CXADR: variants seen among roughly 807,000 people sequenced by gnomAD.
The protein encoded by CXADR is coxsackievirus and adenovirus receptor.
Under a neutral mutation model 40.3 loss-of-function variants are expected in CXADR, and 20 were observed. The observed-to-expected ratio is 0.50, with a 90% CI of 0.35 to 0.72. The LOEUF is 0.72. Ranked by LOEUF, CXADR falls within the 30% of genes least tolerant of loss-of-function variation. The probability of loss-of-function intolerance (pLI) is 0.01; values close to 1 mark genes in which losing one functional copy is unlikely to be tolerated. For synonymous variants in CXADR, 150 were observed against 161.3 expected, an observed-to-expected ratio of 0.93 and a Z score of 0.53; for missense variants, 332 against 449.1, an observed-to-expected ratio of 0.74 and a Z score of 2.36.
chr21:17,528,408 C>G (rs1820451366), intron 1 of CXADR, among the ~76,000 whole-genome samples: 1 of 150,894 alleles, frequency 6.6e-6, no homozygotes, highest in Non-Finnish European at 1.5e-5. Flanking sequence ...CCACGCTAAA[C>G]CAGAGACCCT....
intron 2 of CXADR, 120 bp downstream of exon 2, chr21:17,547,313 T>G (rs2060911030): frequency 7.2e-7 from 1 of 1,397,498 alleles, no homozygotes; most frequent in Non-Finnish European, 9.6e-7. Context: ...CCCCAACTTC[T>G]CAGGCTTTAT....
chr21:17,579,846 A>G (rs1273596487), intron 7 of CXADR, among the ~76,000 whole-genome samples: 1 of 151,974 alleles, frequency 6.6e-6, no homozygotes, highest in Non-Finnish European at 1.5e-5. Flanking sequence ...GTGTGTTTGT[A>G]TGAAGACATG....
chr21:17,557,383 A>T (rs1195904027), intron 3 of CXADR, among the ~76,000 whole-genome samples: 4 of 152,164 alleles, frequency 2.6e-5, no homozygotes, highest in African/African-American at 4.8e-5. Context: ...CATTTTTCCT[A>T]ATCTCAGAAA....
At chr21:17,537,059 A>G (rs1211482035) in intron 1 of CXADR, among the ~76,000 whole-genome samples, 1 of 152,192 alleles carries the variant, frequency 6.6e-6, no homozygotes, top group Non-Finnish European at 1.5e-5. Context: ...TGCCCAACCT[A>G]AAATGTATTT....
intron 1 of CXADR, among the ~76,000 whole-genome samples, chr21:17,520,707 C>T (rs145190637): frequency 1.3e-5 from 2 of 152,264 alleles, no homozygotes; most frequent in East Asian, 1.9e-4. Context: ...CCTGTTGAAA[C>T]GCAGCAGAAG....
chr21:17,529,445 T>TG (rs887132805), intron 1 of CXADR, among the ~76,000 whole-genome samples: 2 of 152,120 alleles, frequency 1.3e-5, no homozygotes, highest in Non-Finnish European at 2.9e-5. Flanking sequence ...CTCAACCTGT[T>TG]GAACAGCTGG....
At chr21:17,618,576 C>T in the CXADR span, among the ~76,000 whole-genome samples, 2 of 151,878 alleles carry the variant, frequency 1.3e-5, no homozygotes, top group East Asian at 1.9e-4. Flanking sequence ...CTTGCTCTGT[C>T]GCCCAGGCTG....
chr21:17,613,343 C>G, the CXADR span: 3 of 152,660 alleles, frequency 2.0e-5, no homozygotes, highest in African/African-American at 7.2e-5. Context: ...ACCCAGCTCT[C>G]TAGACCCGGG....
At chr21:17,514,195 C>G (rs2060429191) in intron 1 of CXADR, among the ~76,000 whole-genome samples, 1 of 151,926 alleles carries the variant, frequency 6.6e-6, no homozygotes, top group East Asian at 1.9e-4. Flanking sequence ...AGTATAGCCT[C>G]TGGAAGGGTA....
At position 17,560,966 on chromosome 21, in the gene CXADR, GA is replaced by G. The variant is rs1409403268; in HGVS notation, c.694+147del. The stretch of plus-strand genomic sequence containing the variant: ...TGTGGTTTGATTATTAGCTTTTCTA[GA>G]AAAATACATTTTATTAAAAAAACTT... On this transcript the variant is annotated intron_variant, in intron 5 of 6. Transcript: ENST00000284878. 3 of 1,321,096 alleles carry G rather than the reference GA, an allele frequency of 2.3e-6. No homozygotes were observed. In the African/African-American group the frequency reaches 4.4e-5, roughly 19 times the overall value. 81.8% of individuals were successfully genotyped at this position (1,321,096 alleles called of 1,614,324 possible).
At chr21:17,526,400 G>A (rs2060598864) in intron 1 of CXADR, among the ~76,000 whole-genome samples, 6 of 152,050 alleles carry the variant, frequency 3.9e-5, no homozygotes, top group Non-Finnish European at 8.8e-5. Flanking sequence ...ATTTGTTACA[G>A]GCACACAAAA....
At chr21:17,574,174 T>G (rs1253201473), downstream of CXADR, among the ~76,000 whole-genome samples, 1 of 152,220 alleles carries the variant, frequency 6.6e-6, no homozygotes, top group Non-Finnish European at 1.5e-5. Context: ...TATTTCCCAG[T>G]TTCTGTCCCC....
chr21:17,613,085 C>T, the CXADR span: 2 of 152,068 alleles, frequency 1.3e-5, no homozygotes, highest in Non-Finnish European at 2.9e-5. Flanking sequence ...GCGACACACC[C>T]TCGCCCTACC....
downstream of CXADR, among the ~76,000 whole-genome samples, chr21:17,597,575 A>G (rs2061520564): frequency 6.6e-6 from 1 of 152,192 alleles, no homozygotes; most frequent in East Asian, 1.9e-4. Flanking sequence ...AGGACTTCTC[A>G]CTATTATACT....
At chr21:17,519,616 C>T (rs2060503960) in intron 1 of CXADR, among the ~76,000 whole-genome samples, 1 of 152,200 alleles carries the variant, frequency 6.6e-6, no homozygotes, top group South Asian at 2.1e-4. Flanking sequence ...CTGCGCTTTA[C>T]TGTCTTCTAA....
At chr21:17,588,362 A>C (rs1476367988) in intron 7 of CXADR, among the ~76,000 whole-genome samples, 1 of 152,212 alleles carries the variant, frequency 6.6e-6, no homozygotes, top group Admixed American at 6.5e-5. Flanking sequence ...CTTCCTACCC[A>C]TGAGCATGGA....
intron 1 of CXADR, among the ~76,000 whole-genome samples, chr21:17,517,258 A>G (rs1274643481): frequency 1.3e-5 from 2 of 152,220 alleles, no homozygotes; most frequent in African/African-American, 4.8e-5. Context: ...ACTTGAGTGA[A>G]TGAATGCAAC....
At chr21:17,529,745 C>G (rs1238963968) in intron 1 of CXADR, among the ~76,000 whole-genome samples, 1 of 152,108 alleles carries the variant, frequency 6.6e-6, no homozygotes, top group Non-Finnish European at 1.5e-5. Context: ...TTAAGTAAAG[C>G]TTTTAATTGA....
At chr21:17,629,640 A>T in the CXADR span, among the ~76,000 whole-genome samples, 3 of 152,110 alleles carry the variant, frequency 2.0e-5, no homozygotes, top group Non-Finnish European at 4.4e-5. Flanking sequence ...CTTGTAATTC[A>T]TACTCCAATA....
Sources: gnomAD v4.1 joint callset for allele counts (sites outside exome capture counted in the v4.1 genomes callset) on GRCh38, gnomAD v4.1.1 for gene constraint, MANE v1.5 for transcripts, NCBI Gene and HGNC (gene_info 2026-07-23, HGNC 2026-07-21) for gene names.